Variants in SERGEF observed in about 807,000 individuals in gnomAD.
SERGEF encodes secretion-regulating guanine nucleotide exchange factor.
Under a neutral mutation model 50.0 loss-of-function variants are expected in SERGEF, and 51 were observed. The observed-to-expected ratio is 1.02, with a 90% CI of 0.81 to 1.29. The LOEUF (loss-of-function observed/expected upper bound fraction) is 1.29. Among genes scored for constraint, SERGEF ranks in the 50% most tolerant of loss-of-function variants. SERGEF has a pLI of 0.00. For missense variants in SERGEF, 521 were observed against 557.0 expected (o/e 0.94, Z 0.65); for synonymous variants, 205 against 212.4 (o/e 0.97, Z 0.30).
chr11:17,922,182 C>T (rs1852170198), intron 9 of SERGEF, among the ~76,000 whole-genome samples: 1 of 152,230 alleles, frequency 6.6e-6, no homozygotes, highest in Admixed American at 6.5e-5. Flanking sequence ...TCACTTTACA[C>T]ACAGAAAACC....
At chr11:17,958,897 C>T (rs1590218634) in intron 9 of SERGEF, among the ~76,000 whole-genome samples, 1 of 151,900 alleles carries the variant, frequency 6.6e-6, no homozygotes, top group Non-Finnish European at 1.5e-5. Flanking sequence ...TCTTGCTCTG[C>T]CCCCACCCCC....
In SERGEF at chr11:17,946,323, G is replaced by A. The variant is rs539329341; in HGVS notation, c.1011+13147C>T. On this transcript the variant is annotated intron_variant, in intron 9 of 10. Transcript: ENST00000265965. The stretch of plus-strand genomic sequence containing the variant: ...AGTCTCACTCTCTTCAACTGCAAAC[G>A]GAAGAATAATAATCCCTACTCTGCA... 2.2e-4 allele frequency among the ~76,000 whole-genome samples: 33 copies of A among 152,266 alleles called. No homozygotes were observed. The South Asian group carries it at 5.8e-3, about 27-fold the overall frequency.
chr11:17,923,927 T>G (rs1852205578), intron 9 of SERGEF, among the ~76,000 whole-genome samples: 1 of 152,210 alleles, frequency 6.6e-6, no homozygotes, highest in African/African-American at 2.4e-5. Flanking sequence ...TCTACAGCCA[T>G]CTAGCATAGT....
rs73424078 is a variant in SERGEF at position 17,814,307 on chromosome 11, G to A, written c.1049-25894C>T. On this transcript the variant is annotated intron_variant, in intron 10 of 10. Coordinates refer to ENST00000265965, the MANE Select transcript of SERGEF (RefSeq NM_012139.4). ...GTTAAAGGCTCTAAAAGCAAAGACTGAGGTTTATTGGAGAAGTAATTCTAT... is the reference window on the plus strand; with the variant it reads ...GTTAAAGGCTCTAAAAGCAAAGACTAAGGTTTATTGGAGAAGTAATTCTAT... Among the ~76,000 whole-genome samples, 412 of 152,360 alleles carry A rather than the reference G, an allele frequency of 2.7e-3. 2 individuals carry two copies. Among genetic ancestry groups the A allele is most frequent in the African/African-American group, 9.6e-3 (398 of 41,568 alleles).
chr11:17,910,351 C>T (rs1224463005), intron 9 of SERGEF, among the ~76,000 whole-genome samples: 2 of 152,150 alleles, frequency 1.3e-5, no homozygotes, highest in Non-Finnish European at 2.9e-5. Context: ...TGGGCTCAAG[C>T]AATCCTCCTG....
At chr11:17,893,085 G>A (rs1851561016) in intron 9 of SERGEF, among the ~76,000 whole-genome samples, 1 of 152,180 alleles carries the variant, frequency 6.6e-6, no homozygotes, top group South Asian at 2.1e-4. Context: ...TGCCAGGCCA[G>A]CTCACAGCAA....
chr11:17,927,974 A>G (rs1852281697), intron 9 of SERGEF, among the ~76,000 whole-genome samples: 1 of 152,236 alleles, frequency 6.6e-6, no homozygotes, highest in African/African-American at 2.4e-5. Context: ...CTGAGGAGAA[A>G]ATGCTGCAAG....
intron 9 of SERGEF, among the ~76,000 whole-genome samples, chr11:17,941,029 T>G (rs927036733): frequency 1.3e-5 from 2 of 152,226 alleles, no homozygotes; most frequent in African/African-American, 4.8e-5. Flanking sequence ...TAAATAATTG[T>G]ACAATGAACA....
intron 8 of SERGEF, among the ~76,000 whole-genome samples, chr11:17,960,049 C>A (rs1287469619): frequency 2.0e-5 from 3 of 152,194 alleles, no homozygotes; most frequent in Non-Finnish European, 2.9e-5. Context: ...CAACCCAGGG[C>A]CCCATTTAGC....
At chr11:17,793,116 C>T (rs1849513399) in intron 10 of SERGEF, among the ~76,000 whole-genome samples, 1 of 152,104 alleles carries the variant, frequency 6.6e-6, no homozygotes, top group Non-Finnish European at 1.5e-5. Context: ...AGGAGCAATG[C>T]CCCAGCACCA....
chr11:17,833,667 G>T (rs564154961), intron 10 of SERGEF, among the ~76,000 whole-genome samples: 8 of 152,360 alleles, frequency 5.3e-5, no homozygotes, highest in Admixed American at 3.9e-4. Context: ...GGGTGGAGCT[G>T]CTCAGGACTA....
chr11:17,953,931 T>C (rs1302486979), intron 9 of SERGEF, among the ~76,000 whole-genome samples: 6 of 152,234 alleles, frequency 3.9e-5, no homozygotes, highest in African/African-American at 7.2e-5. Context: ...TTTCTCCCCC[T>C]GCTATGTCAG....
At chr11:17,988,929 C>T (rs1315817267) in intron 7 of SERGEF, among the ~76,000 whole-genome samples, 174 bp from the exon 8 acceptor site, 1 of 152,176 alleles carries the variant, frequency 6.6e-6, no homozygotes, top group African/African-American at 2.4e-5. Flanking sequence ...TAACTTATTA[C>T]AAGATTTTCA....
chr11:17,918,783 G>GA (rs1275638971), intron 9 of SERGEF: 1 of 433,366 alleles, frequency 2.3e-6, no homozygotes, highest in Non-Finnish European at 4.6e-6. Flanking sequence ...AGCTAGTCTG[G>GA]AAAAAAAGCA....
chr11:17,800,637 C>T (rs1419046572), intron 10 of SERGEF, among the ~76,000 whole-genome samples: 1 of 152,130 alleles, frequency 6.6e-6, no homozygotes, highest in Non-Finnish European at 1.5e-5. Context: ...CAACAGAATG[C>T]AGCTAGTAAT....
At chr11:17,980,656 G>T (rs534147034) in intron 8 of SERGEF, among the ~76,000 whole-genome samples, 3 of 152,038 alleles carry the variant, frequency 2.0e-5, no homozygotes, top group African/African-American at 2.4e-5. Context: ...TACCACGAGC[G>T]TATTCCTGTC....
intron 8 of SERGEF, among the ~76,000 whole-genome samples, chr11:17,961,724 T>C (rs211150): frequency 0.63 from 94,741 of 151,492 alleles, 29,886 homozygotes; most frequent in African/African-American, 0.72. Context: ...GCGGAGGCCA[T>C]AGACATTCTG....
At chr11:18,005,159 G>C (rs1260312563) in intron 3 of SERGEF, among the ~76,000 whole-genome samples, 1 of 152,216 alleles carries the variant, frequency 6.6e-6, no homozygotes, top group African/African-American at 2.4e-5. Context: ...TGACTTCTCT[G>C]TGCTTTTCTC....
intron 9 of SERGEF, chr11:17,926,954 C>T (rs868412911): frequency 2.5e-5 from 10 of 407,292 alleles, no homozygotes; most frequent in Middle Eastern, 4.0e-4. Context: ...ACTCACAGGA[C>T]CTCTTTGACG....
Sources: allele counts gnomAD v4.1 joint callset (sites outside exome capture counted in the v4.1 genomes callset), GRCh38; gene constraint gnomAD v4.1.1; transcripts MANE v1.5; gene names NCBI Gene and HGNC (gene_info 2026-07-23, HGNC 2026-07-21).